Variants in PLCB1 observed in about 807,000 individuals in gnomAD.
The protein encoded by PLCB1 is 1-phosphatidylinositol 4,5-bisphosphate phosphodiesterase beta-1.
In PLCB1, 46 loss-of-function variants were observed where a neutral mutation model predicts 161.8. The observed-to-expected ratio is 0.28, with a 90% confidence interval of 0.22 to 0.36. The LOEUF (loss-of-function observed/expected upper bound fraction) is 0.36, where lower values mean the gene tolerates loss of function less well. Among genes scored for constraint, PLCB1 ranks in the 10% least tolerant of loss-of-function variants. The probability of loss-of-function intolerance (pLI) is 1.00; values close to 1 mark genes in which losing one functional copy is unlikely to be tolerated. For synonymous variants in PLCB1, 517 were observed against 503.7 expected (o/e 1.03, Z -0.35); for missense variants, 1,016 against 1,472.5 (o/e 0.69, Z 5.07).
intron 6 of PLCB1, 52 bp from the exon 7 acceptor site, chr20:8,649,322 T>C: frequency 1.8e-6 from 2 of 1,136,822 alleles, no homozygotes; most frequent in Non-Finnish European, 2.7e-6. Flanking sequence ...CTGTTAGTGC[T>C]GTGATCCATG....
chr20:8,438,012 A>G (rs1027244421), intron 3 of PLCB1, among the ~76,000 whole-genome samples: 3 of 152,180 alleles, frequency 2.0e-5, no homozygotes, highest in Non-Finnish European at 2.9e-5. Context: ...TGAATTTTAT[A>G]TACTTATAGT....
chr20:8,335,742 G>A (rs1985549228), intron 2 of PLCB1, among the ~76,000 whole-genome samples: 1 of 152,318 alleles, frequency 6.6e-6, no homozygotes, highest in South Asian at 2.1e-4. Flanking sequence ...GGCAAATACA[G>A]AGCTCTTCTT....
At chr20:8,846,789 G>A (rs902303332) in intron 31 of PLCB1, among the ~76,000 whole-genome samples, 7 of 152,156 alleles carry the variant, frequency 4.6e-5, no homozygotes, top group Admixed American at 3.9e-4. Context: ...GGAAGATCCG[G>A]CCAGGGCAAG....
intron 3 of PLCB1, among the ~76,000 whole-genome samples, chr20:8,453,110 A>C (rs1002891468): frequency 6.6e-6 from 1 of 152,180 alleles, no homozygotes; most frequent in Non-Finnish European, 1.5e-5. Flanking sequence ...TGGAATTGTA[A>C]CTTTGTTTCT....
intron 2 of PLCB1, among the ~76,000 whole-genome samples, chr20:8,277,532 T>G (rs1268615442): frequency 6.6e-6 from 1 of 152,150 alleles, no homozygotes; most frequent in African/African-American, 2.4e-5. Flanking sequence ...ATATATTTCT[T>G]AGACTCACAG....
chr20:8,505,129 T>C (rs1172528014), intron 3 of PLCB1, among the ~76,000 whole-genome samples: 1 of 152,162 alleles, frequency 6.6e-6, no homozygotes, highest in Non-Finnish European at 1.5e-5. Context: ...TATCCAAAAG[T>C]GCTGGGATTA....
chr20:8,818,872 C>T (rs933261087), intron 31 of PLCB1, among the ~76,000 whole-genome samples: 8 of 149,226 alleles, frequency 5.4e-5, no homozygotes, highest in African/African-American at 9.9e-5. Context: ...ACCCAGGAGG[C>T]GGAGGCTGCA....
intron 3 of PLCB1, among the ~76,000 whole-genome samples, chr20:8,393,365 T>C (rs1987666550): frequency 6.6e-6 from 1 of 152,128 alleles, no homozygotes; most frequent in African/African-American, 2.4e-5. Context: ...TTCCTTGGAA[T>C]ACTAATAGAT....
intron 31 of PLCB1, among the ~76,000 whole-genome samples, chr20:8,802,701 G>A (rs970665305): frequency 3.9e-5 from 6 of 152,148 alleles, no homozygotes; most frequent in African/African-American, 1.4e-4. Context: ...GGTATTTAGA[G>A]TGAATGGGGA....
Position 8,741,568 on chromosome 20 carries a change from A to G in PLCB1, c.2518A>G (p.Lys840Glu). 2 of 1,605,568 alleles carry G rather than the reference A, an allele frequency of 1.2e-6. No individual in the cohort carries two copies. Among genetic ancestry groups the G allele is most frequent in the South Asian group, 2.2e-5 (2 of 90,848 alleles). The change falls in exon 23 of 32, where the codon AAA (lysine) becomes GAA (glutamate). Residue 840 changes from lysine (K) to glutamate (E), a missense_variant. This residue lies in a region of PLCB1 where 398 missense variants were observed against 445.4 expected (regional missense o/e 0.89). Coordinates refer to ENST00000338037, the MANE Select transcript of PLCB1 (RefSeq NM_015192.4). ...ACTGGAAGATGAAGAAGAAGTAAAG[A>G]AAGAGGTGAGAGGGTGTTTTAATTT... ...LTLEDEEEVKKEADPGETPSE... is the reference protein window; with the variant it reads ...LTLEDEEEVKEEADPGETPSE...
At position 8,211,597 on chromosome 20, in the gene PLCB1, A is replaced by T. The variant is rs1978825681; in HGVS notation, c.177+61226A>T. Among the ~76,000 whole-genome samples, 2 of 152,134 alleles carry T rather than the reference A, an allele frequency of 1.3e-5. 1 individual carries two copies. Among genetic ancestry groups the T allele is most frequent in the South Asian group, 4.1e-4 (2 of 4,828 alleles). The stretch of plus-strand genomic sequence containing the variant: ...TTGGTCTATATAAATCTTCAGAGAA[A>T]GGAGAGGATGCAGAATGATGGATAT... On this transcript the variant is annotated intron_variant, in intron 2 of 31. Transcript: ENST00000338037.
intron 31 of PLCB1, among the ~76,000 whole-genome samples, chr20:8,859,737 G>A (rs1311055546): frequency 3.3e-5 from 5 of 151,914 alleles, no homozygotes; most frequent in Admixed American, 3.3e-4. Flanking sequence ...GTCTATTGGA[G>A]CAAGTTAAAT....
At chr20:8,256,902 T>C (rs537519930) in intron 2 of PLCB1, 16 of 152,294 alleles carry the variant, frequency 1.1e-4, no homozygotes, top group African/African-American at 3.8e-4. Flanking sequence ...GTAATAAATA[T>C]TTTGCATTTA....
chr20:8,463,183 CTGTG>C (rs1981665276), intron 3 of PLCB1, among the ~76,000 whole-genome samples: 7 of 98,526 alleles, frequency 7.1e-5, no homozygotes, highest in Admixed American at 4.6e-4. Flanking sequence ...GTGTGTGTGT[CTGTG>C]TATGTGTGTG....
At chr20:8,458,314 T>C (rs563089930) in intron 3 of PLCB1, among the ~76,000 whole-genome samples, 1 of 152,314 alleles carries the variant, frequency 6.6e-6, no homozygotes, top group Admixed American at 6.5e-5. Flanking sequence ...CCATTGTCCG[T>C]TTGTATATTT....
intron 3 of PLCB1, among the ~76,000 whole-genome samples, chr20:8,540,756 C>T (rs1985279311): frequency 6.6e-6 from 1 of 152,198 alleles, no homozygotes. Context: ...CCACCTTCTC[C>T]ACAGTTGTTG....
Position 8,378,631 on chromosome 20 carries a change from T to G in PLCB1, c.246+7181T>G, listed in dbSNP as rs555692214. On this transcript the variant is annotated intron_variant, in intron 3 of 31. Coordinates refer to ENST00000338037, the MANE Select transcript of PLCB1 (RefSeq NM_015192.4). ...TGATTGCTGAAGATTAGGGTAGTGG[T>G]GACAATTTCTTAAAATAAGACAACA... Among the ~76,000 whole-genome samples, 3 of 152,302 alleles carry G rather than the reference T, an allele frequency of 2.0e-5. No individual in the cohort carries two copies. The South Asian group carries it at 6.2e-4, about 32-fold the overall frequency.
chr20:8,145,855 A>G (rs896381198), intron 1 of PLCB1, among the ~76,000 whole-genome samples: 10 of 152,224 alleles, frequency 6.6e-5, no homozygotes, highest in African/African-American at 2.2e-4. Flanking sequence ...CATGTAATCA[A>G]TGTCAGAAAT....
chr20:8,691,048 A>G (rs190466994), intron 10 of PLCB1, among the ~76,000 whole-genome samples: 1 of 152,278 alleles, frequency 6.6e-6, no homozygotes, highest in Non-Finnish European at 1.5e-5. Flanking sequence ...TAAAAATATA[A>G]ATACAGGCTC....
Sources: allele counts gnomAD v4.1 joint callset (sites outside exome capture counted in the v4.1 genomes callset), GRCh38; gene constraint gnomAD v4.1.1; regional missense constraint gnomAD v4.1.1; transcripts MANE v1.5; gene names NCBI Gene and HGNC (gene_info 2026-07-23, HGNC 2026-07-21).